The following ST6GALNAC3 variants were observed in gnomAD, a reference collection of about 807,000 sequenced individuals.
The protein encoded by ST6GALNAC3 is ST6 N-acetylgalactosaminide alpha-2,6-sialyltransferase 3, also known as alpha-N-acetylgalactosaminide alpha-2,6-sialyltransferase 3.
A neutral mutation model predicts 32.7 loss-of-function variants in ST6GALNAC3; 25 were observed. The ratio of observed to expected loss-of-function variants is 0.76; its 90% CI spans 0.56 to 1.07. ST6GALNAC3 has a LOEUF of 1.07. ST6GALNAC3 is among the 50% of genes least tolerant of loss of function. The probability of loss-of-function intolerance (pLI) is 0.00; values close to 1 mark genes in which losing one functional copy is unlikely to be tolerated. For synonymous variants in ST6GALNAC3, 129 were observed against 133.1 expected (o/e 0.97, Z 0.21); for missense variants, 355 against 382.4 (o/e 0.93, Z 0.60).
Position 76,495,128 on chromosome 1 carries a change from A to G in ST6GALNAC3, c.623+82711A>G, listed in dbSNP as rs557951320. ...GATTCAAATGTTAATCTCCTCCCAA[A>G]ACACCCTCACAGACATGCCCAGGAT... On this transcript the variant is annotated intron_variant, in intron 3 of 4. Transcript: ENST00000328299. Among the ~76,000 whole-genome samples, 6 of 152,144 alleles carry G rather than the reference A, an allele frequency of 3.9e-5. No homozygotes were observed. In the South Asian group the frequency reaches 1.2e-3, roughly 32 times the overall value.
intron 1 of ST6GALNAC3, among the ~76,000 whole-genome samples, chr1:76,132,822 T>A (rs998613031): frequency 2.6e-5 from 4 of 152,196 alleles, no homozygotes; most frequent in Admixed American, 1.3e-4. Context: ...CCTCTAGGGC[T>A]GTACAAGATA....
chr1:76,112,390 CCCGGA>C (rs1648069959), intron 1 of ST6GALNAC3, among the ~76,000 whole-genome samples: 2 of 144,270 alleles, frequency 1.4e-5, no homozygotes, highest in African/African-American at 2.7e-5. Flanking sequence ...CCACCTCCTT[CCCGGA>C]CTGGGCGGCT....
chr1:76,177,851 G>A (rs79514046), intron 1 of ST6GALNAC3, among the ~76,000 whole-genome samples: 4,118 of 152,158 alleles, frequency 0.027, 180 homozygotes, highest in African/African-American at 0.094. Flanking sequence ...CGTGCTCCAC[G>A]GATTTCATCA....
rs559104607 is a variant in ST6GALNAC3 at position 76,122,206 on chromosome 1, G to A, written c.18+47322G>A. The stretch of plus-strand genomic sequence containing the variant: ...CTCAGAAACTGGAATGATTACTTGC[G>A]CATAGTAAGAGCTCAATGAGTATGT... On this transcript the variant is annotated intron_variant, in intron 1 of 4. Coordinates refer to ENST00000328299, the MANE Select transcript of ST6GALNAC3 (RefSeq NM_152996.4). Among the ~76,000 whole-genome samples the A allele has an allele frequency of 7.9e-5, 12 of 152,272 alleles. No homozygotes were observed. In the East Asian group the frequency reaches 2.1e-3, roughly 27 times the overall value.
At chr1:76,305,581 G>A (rs1034885305) in intron 1 of ST6GALNAC3, among the ~76,000 whole-genome samples, 5 of 152,118 alleles carry the variant, frequency 3.3e-5, no homozygotes, top group East Asian at 1.9e-4. Context: ...AGACTCTTTC[G>A]GGAAAGACAA....
intron 2 of ST6GALNAC3, among the ~76,000 whole-genome samples, chr1:76,314,956 G>A (rs1646837551): frequency 6.6e-6 from 1 of 152,104 alleles, no homozygotes; most frequent in Non-Finnish European, 1.5e-5. Flanking sequence ...CTGGGAGGAT[G>A]CTAAGCTTGG....
At chr1:76,231,357 A>G (rs1273558927) in intron 1 of ST6GALNAC3, among the ~76,000 whole-genome samples, 2 of 152,238 alleles carry the variant, frequency 1.3e-5, no homozygotes, top group South Asian at 2.1e-4. Context: ...TACACAGAAC[A>G]TAAAATTTAC....
intron 3 of ST6GALNAC3, among the ~76,000 whole-genome samples, chr1:76,475,733 G>A (rs1013341547): frequency 1.3e-5 from 2 of 151,916 alleles, no homozygotes; most frequent in Non-Finnish European, 2.9e-5. Context: ...TTATCTCTGG[G>A]ATACATGTGC....
intron 1 of ST6GALNAC3, 161 bp from the exon 2 acceptor site, chr1:76,313,644 G>A: frequency 1.2e-6 from 1 of 851,222 alleles, no homozygotes; most frequent in Non-Finnish European, 1.9e-6. Flanking sequence ...GGACAATTTG[G>A]TCACCAAATA....
At chr1:76,482,861 G>A (rs1159063961) in intron 3 of ST6GALNAC3, among the ~76,000 whole-genome samples, 1 of 150,018 alleles carries the variant, frequency 6.7e-6, no homozygotes, top group South Asian at 2.2e-4. Flanking sequence ...ATCTCCTAAT[G>A]CTATCCCTCC....
At chr1:76,619,446 G>A (rs1380038545) in intron 3 of ST6GALNAC3, among the ~76,000 whole-genome samples, 1 of 151,904 alleles carries the variant, frequency 6.6e-6, no homozygotes, top group Non-Finnish European at 1.5e-5. Flanking sequence ...AGCACTACTA[G>A]GTGCATCCTT....
intron 3 of ST6GALNAC3, among the ~76,000 whole-genome samples, chr1:76,605,117 G>A (rs1273420677): frequency 1.3e-5 from 2 of 152,182 alleles, no homozygotes; most frequent in South Asian, 2.1e-4. Flanking sequence ...GTGATAGACA[G>A]CCTGTTAAGG....
At chr1:76,168,248 A>G (rs998744909) in intron 1 of ST6GALNAC3, among the ~76,000 whole-genome samples, 34 of 152,124 alleles carry the variant, frequency 2.2e-4, no homozygotes, top group African/African-American at 8.2e-4. Context: ...TTTTACCTCA[A>G]AGCCATTTAG....
intron 2 of ST6GALNAC3, among the ~76,000 whole-genome samples, chr1:76,404,206 C>A (rs1653645991): frequency 6.6e-6 from 1 of 152,030 alleles, no homozygotes; most frequent in Non-Finnish European, 1.5e-5. Context: ...AGAGCTAAAC[C>A]ATCAGTTATC....
At chr1:76,206,658 G>A (rs190286934) in intron 1 of ST6GALNAC3, among the ~76,000 whole-genome samples, 67 of 152,122 alleles carry the variant, frequency 4.4e-4, no homozygotes, top group African/African-American at 1.5e-3. Flanking sequence ...AGGAGAACCC[G>A]GGAGGTGGAG....
At chr1:76,401,008 T>A (rs71656884) in intron 2 of ST6GALNAC3, among the ~76,000 whole-genome samples, 23,646 of 152,214 alleles carry the variant, frequency 0.16, 2,191 homozygotes, top group Admixed American at 0.2. Context: ...TCTTTGTTTT[T>A]GTATGATGAA....
At chr1:76,462,843 T>G (rs991053752) in intron 3 of ST6GALNAC3, among the ~76,000 whole-genome samples, 2 of 152,188 alleles carry the variant, frequency 1.3e-5, no homozygotes, top group Non-Finnish European at 2.9e-5. Flanking sequence ...GGGAGTGTAT[T>G]GCAACAACCA....
intron 2 of ST6GALNAC3, among the ~76,000 whole-genome samples, chr1:76,354,849 C>T (rs1365474561): frequency 6.6e-6 from 1 of 152,092 alleles, no homozygotes; most frequent in Non-Finnish European, 1.5e-5. Context: ...CTTTTCTTTT[C>T]TATTATGGTC....
chr1:76,624,183 A>T (rs1648818078), intron 3 of ST6GALNAC3, among the ~76,000 whole-genome samples: 1 of 151,954 alleles, frequency 6.6e-6, no homozygotes, highest in African/African-American at 2.4e-5. Flanking sequence ...CATCTTGTTT[A>T]AAGAGCTATT....
Sources: gnomAD v4.1 joint callset for allele counts (sites outside exome capture counted in the v4.1 genomes callset) on GRCh38, gnomAD v4.1.1 for gene constraint, MANE v1.5 for transcripts, NCBI Gene and HGNC (gene_info 2026-07-23, HGNC 2026-07-21) for gene names.